PIK3R6: variants seen among roughly 807,000 people sequenced by gnomAD.
PIK3R6 encodes the protein phosphoinositide 3-kinase regulatory subunit 6.
Under a neutral mutation model 84.9 loss-of-function variants are expected in PIK3R6, and 91 were observed. The ratio of observed to expected loss-of-function variants is 1.07; its 90% confidence interval spans 0.90 to 1.28. PIK3R6 has a LOEUF of 1.28. Ranked by LOEUF, PIK3R6 falls within the 50% of genes most tolerant of loss-of-function variation. The pLI, the probability that PIK3R6 is intolerant of heterozygous loss-of-function variation, is 0.00. For missense variants in PIK3R6, 996 were observed against 985.1 expected, an observed-to-expected ratio of 1.01 and a Z score of -0.15; for synonymous variants, 416 against 411.4, an observed-to-expected ratio of 1.01 and a Z score of -0.13.
At position 8,839,708 on chromosome 17, in the gene PIK3R6, G is replaced by A. The variant is rs149979813; in HGVS notation, c.14-11C>T. On this transcript the variant is annotated splice_polypyrimidine_tract_variant and intron_variant, in intron 2 of 19. Transcript: ENST00000619866. The surrounding 1 kb of genome is among the most constrained non-coding windows in gnomAD (Gnocchi z 4.2). The stretch of plus-strand genomic sequence containing the variant: ...GGTCCAGCTCCACATCTGGGCAGTG[G>A]TAGGGGTGGGAGGAAACTCAGTCCA... 2,123 of 1,561,028 alleles carry A rather than the reference G, an allele frequency of 1.4e-3. 30 individuals are homozygous for A. In the East Asian group the frequency reaches 0.033, roughly 24 times the overall value.
rs2088562735 is a variant in PIK3R6, at chr17:8,838,597, C to G, written c.156G>C (p.Val52=). 1.2e-6 allele frequency: 2 copies of G among 1,606,600 alleles called. No homozygotes were observed. The highest frequency in any genetic ancestry group is 2.7e-5 in the African/African-American group (2 of 74,802). ...KVERDPGKSP[V]LVRILLRELE... The stretch of plus-strand genomic sequence containing the variant: ...GTTCTCTGAGAAGAATGCGGACCAG[C>G]ACTGGGCTCTTACCGGGATCTCGCT... Residue 52 remains valine (V), a synonymous_variant, in exon 4 of 20, where the codon GTG becomes GTC. Coordinates refer to ENST00000619866, the MANE Select transcript of PIK3R6 (RefSeq NM_001010855.4).
intron 13 of PIK3R6, among the ~76,000 whole-genome samples, chr17:8,826,739 A>G (rs1188456084): frequency 2.0e-5 from 3 of 152,184 alleles, no homozygotes; most frequent in Non-Finnish European, 1.5e-5. Flanking sequence ...GCACATGTAT[A>G]CCTGTGTAAC....
chr17:8,815,080 T>C (rs900195976), intron 18 of PIK3R6, among the ~76,000 whole-genome samples: 3 of 152,194 alleles, frequency 2.0e-5, no homozygotes, highest in Non-Finnish European at 4.4e-5. Flanking sequence ...CAAACCTCTC[T>C]CAGTTTTGGC....
chr17:8,867,063 T>C (rs1275385597), intron 1 of PIK3R6, among the ~76,000 whole-genome samples: 2 of 152,196 alleles, frequency 1.3e-5, no homozygotes, highest in Admixed American at 6.5e-5. Context: ...TCCTGCTCCT[T>C]GCTAACCCAC....
intron 9 of PIK3R6, among the ~76,000 whole-genome samples, chr17:8,830,400 AGCAGACT>A (rs2088193737): frequency 6.6e-6 from 1 of 152,172 alleles, no homozygotes; most frequent in East Asian, 1.9e-4. Context: ...ATTCCCTCCG[AGCAGACT>A]GTCTGCACAC....
intron 6 of PIK3R6, 81 bp from the exon 7 acceptor site, chr17:8,836,697 C>T: frequency 6.2e-7 from 1 of 1,612,274 alleles, no homozygotes; most frequent in Non-Finnish European, 8.5e-7. Context: ...GGTGTGGAGG[C>T]TTTTGAGCTC....
At chr17:8,841,239 G>T (rs1039683004) in intron 2 of PIK3R6, among the ~76,000 whole-genome samples, 1 of 152,134 alleles carries the variant, frequency 6.6e-6, no homozygotes, top group African/African-American at 2.4e-5. Context: ...AGGACAGGTG[G>T]TAACAAAGAC....
At chr17:8,865,557 G>C (rs79770415) in intron 1 of PIK3R6, among the ~76,000 whole-genome samples, 2 of 151,782 alleles carry the variant, frequency 1.3e-5, no homozygotes, top group Non-Finnish European at 2.9e-5. Flanking sequence ...GAGCTGCCTC[G>C]TGCCCTCAGG....
Position 8,835,444 on chromosome 17 carries a change from G to A in PIK3R6, c.474C>T (p.Phe158=), listed in dbSNP as rs374473647. The change falls in exon 8 of 20, where the codon TTC becomes TTT. Residue 158 remains phenylalanine, a synonymous_variant. Transcript: ENST00000619866. ...ACGCAGACACCAGCTCAGGATCCAC[G>A]AAGAGGAACACTCTGAGGGCAGAAG... ...LYPYQERVFL[F]VDPELVSASV... The A allele has an allele frequency of 1.5e-5, 24 of 1,566,858 alleles. No individual in the cohort carries two copies. Among genetic ancestry groups the A allele is most frequent in the East Asian group, 4.5e-5 (2 of 44,006 alleles).
At position 8,814,215 on chromosome 17, in the gene PIK3R6, CTTTTTT is replaced by C. The variant is rs112750429; in HGVS notation, c.1995+4862_1995+4867del. On this transcript the variant is annotated intron_variant, in intron 18 of 19. Transcript: ENST00000619866. Reference sequence around the variant, plus strand: ...TCCACTCTTTAGTTCAGAGAGAGATCTTTTTTTTTTTTTTTTTTTTTTGAGACAGAG... The same window carrying C: ...TCCACTCTTTAGTTCAGAGAGAGATCTTTTTTTTTTTTTTTTGAGACAGAG... Among the ~76,000 whole-genome samples the C allele has an allele frequency of 4.7e-5, 4 of 85,520 alleles. 1 individual carries two copies. In the Admixed American group the frequency reaches 4.9e-4, roughly 11 times the overall value. The allele number at this position is 85,520 out of a possible 152,430, so 56.1% of individuals were successfully genotyped here. A position where few individuals can be genotyped will look rare whatever the true frequency, so the allele number is the denominator to read the frequency against.
At chr17:8,819,438 C>G (rs1461969329) in intron 17 of PIK3R6, among the ~76,000 whole-genome samples, 1 of 151,950 alleles carries the variant, frequency 6.6e-6, no homozygotes, top group African/African-American at 2.4e-5. Flanking sequence ...CCATCACCAA[C>G]CCAAATCCGC....
rs116202403 is a variant in PIK3R6 at position 8,826,880 on chromosome 17, G to A, written c.1515+292C>T. Among the ~76,000 whole-genome samples, 1,138 of 152,230 alleles carry A rather than the reference G, an allele frequency of 7.5e-3. 14 individuals are homozygous for A. The highest frequency in any genetic ancestry group is 0.026 in the African/African-American group (1,079 of 41,522). On this transcript the variant is annotated intron_variant, in intron 13 of 19. Coordinates refer to ENST00000619866, the MANE Select transcript of PIK3R6 (RefSeq NM_001010855.4). ...GAGTATAACTGCCCTACACACTTAC[G>A]AAGGAATATTTTACTTCGTCTTTTC...
At chr17:8,820,013 T>A (rs1463789993) in intron 17 of PIK3R6, among the ~76,000 whole-genome samples, 1 of 150,022 alleles carries the variant, frequency 6.7e-6, no homozygotes, top group Non-Finnish European at 1.5e-5. Context: ...AGTGGCATGA[T>A]CTCGGTCACT....
rs376286933 is a variant in PIK3R6, at chr17:8,828,290, G to C, written c.1314-100C>G. ...TATCTCTTGACCTTGGGCAATTTGT[G>C]TCATCTTTCTGAGCCTCTGCTTTCT... On this transcript the variant is annotated intron_variant, in intron 11 of 19. Transcript: ENST00000619866. 46 of 1,275,482 alleles carry C rather than the reference G, an allele frequency of 3.6e-5. No homozygotes were observed. In the East Asian group the frequency reaches 5.9e-4, roughly 16 times the overall value. 79.0% of individuals were successfully genotyped at this position (1,275,482 alleles called of 1,614,324 possible).
chr17:8,836,821 T>C lies in PIK3R6; in HGVS notation c.361A>G (p.Ile121Val). Residue 121 changes from isoleucine (I) to valine (V), a missense_variant, in exon 6 of 20, where the codon ATA (isoleucine) becomes GTA (valine). Transcript: ENST00000619866. ...PYCTVALDCAIRLKTEMAVPG... is the reference protein window; with the variant it reads ...PYCTVALDCAVRLKTEMAVPG... ...ACAGCCATCTCCGTTTTCAGCCTTA[T>C]CGCGCAGTCCAAGGCGACTGTGCAG... The C allele has an allele frequency of 3.1e-6, 5 of 1,604,416 alleles. No homozygotes were observed. Among genetic ancestry groups the C allele is most frequent in the Non-Finnish European group, 4.3e-6 (5 of 1,175,362 alleles).
At chr17:8,821,724 TG>T in intron 17 of PIK3R6, 121 bp downstream of exon 17, 1 of 1,083,100 alleles carries the variant, frequency 9.2e-7, no homozygotes, top group Non-Finnish European at 1.3e-6. Flanking sequence ...CACCAAGTCC[TG>T]GTCCTGGCTC....
intron 1 of PIK3R6, among the ~76,000 whole-genome samples, chr17:8,858,698 G>A (rs1346925919): frequency 2.0e-5 from 3 of 152,174 alleles, no homozygotes; most frequent in African/African-American, 7.2e-5. Context: ...ATCAGTAGGC[G>A]AGGGTAGCCC....
intron 1 of PIK3R6, among the ~76,000 whole-genome samples, chr17:8,853,180 A>ATT (rs35380347): frequency 3.3e-5 from 5 of 150,944 alleles, no homozygotes; most frequent in Admixed American, 6.6e-5. Context: ...ATAGCTCCAA[A>ATT]TTTTTTTTTT....
chr17:8,808,521 T>C (rs921750257), intron 18 of PIK3R6, among the ~76,000 whole-genome samples: 1 of 152,218 alleles, frequency 6.6e-6, no homozygotes, highest in African/African-American at 2.4e-5. Flanking sequence ...AGAGGCAAGA[T>C]CTGAATCCAG....
Sources: gnomAD v4.1 joint callset for allele counts (sites outside exome capture counted in the v4.1 genomes callset) on GRCh38, gnomAD v4.1.1 for gene constraint, Gnocchi (gnomAD v3.1) non-coding constraint, MANE v1.5 for transcripts, NCBI Gene and HGNC (gene_info 2026-07-23, HGNC 2026-07-21) for gene names.